E2F8: variants seen among roughly 807,000 people sequenced by gnomAD.
The protein encoded by E2F8 is E2F transcription factor 8.
In E2F8, 35 loss-of-function variants were observed where a neutral mutation model predicts 80.8. The ratio of observed to expected loss-of-function variants is 0.43; its 90% CI spans 0.33 to 0.57. The LOEUF (loss-of-function observed/expected upper bound fraction) is 0.57, where lower values mean the gene tolerates loss of function less well. Among genes scored for constraint, E2F8 ranks in the 20% least tolerant of loss-of-function variants. The pLI, the probability that E2F8 is intolerant of heterozygous loss-of-function variation, is 0.04. For synonymous variants in E2F8, 386 were observed against 395.0 expected, an observed-to-expected ratio of 0.98 and a Z score of 0.27; for missense variants, 975 against 1,056.2, an observed-to-expected ratio of 0.92 and a Z score of 1.07.
At chr11:19,228,915 T>A (rs546122880) in intron 10 of E2F8, among the ~76,000 whole-genome samples, 23 of 152,332 alleles carry the variant, frequency 1.5e-4, no homozygotes, top group African/African-American at 5.3e-4. Flanking sequence ...TAGAAACCAA[T>A]ACATGAACTA....
At position 19,232,465 on chromosome 11, in the gene E2F8, C is replaced by CT. The variant is rs1469666045; in HGVS notation, c.929-95dup. ...ACTTCATGTATATTCTAAGAGCTGT[C>CT]TTAACCATCAATGTCAGACAGAGAA... On this transcript the variant is annotated intron_variant, in intron 6 of 12. Transcript: ENST00000250024. The CT allele has an allele frequency of 8.5e-6, 9 of 1,061,144 alleles. No homozygotes were observed. In the African/African-American group the frequency reaches 1.4e-4, roughly 17 times the overall value. 65.7% of individuals were successfully genotyped at this position (1,061,144 alleles called of 1,614,324 possible).
rs777471461 is a variant in E2F8 at position 19,225,494 on chromosome 11, C to T, written c.2148G>A (p.Pro716=). ...GAACAGGGTGGCTTGAAGCGAGAGC[C>T]GGGCTGTTCCCGACAGGTACGGCTG... ...SVAAVPVGNS[P]ALASSHPVPI... The change falls in exon 12 of 13, where the codon CCG becomes CCA. Residue 716 remains proline, a synonymous_variant. Transcript: ENST00000250024. 116 of 1,614,036 alleles carry T rather than the reference C, an allele frequency of 7.2e-5. No individual in the cohort carries two copies. The highest frequency in any genetic ancestry group is 8.6e-5 in the Non-Finnish European group (101 of 1,180,036).
In E2F8 at chr11:19,225,843, G is replaced by A. The variant is rs753987546; in HGVS notation, c.1915C>T (p.Leu639=). 3 of 1,614,106 alleles carry A rather than the reference G, an allele frequency of 1.9e-6. No homozygotes were observed. Among genetic ancestry groups the A allele is most frequent in the South Asian group, 2.2e-5 (2 of 91,074 alleles). The change falls in exon 11 of 13, where the codon CTA becomes TTA. Residue 639 remains leucine (L), a synonymous_variant. Coordinates refer to ENST00000250024, the MANE Select transcript of E2F8 (RefSeq NM_024680.4). ...GATGAGCACTGCGTGAGAGGGATTA[G>A]GTATCCTGATGGGAACAAGGTCTAG... ...VSATLFPSGY[L]IPLTQCSSLG... is the part of the protein sequence containing the mutation.
chr11:19,232,379 A>G lies in E2F8; in HGVS notation c.929-8T>C, dbSNP rs780421199. ...ACAACCTCCTAATTTTTGCTGGGAA[A>G]AAAAGTATATATACCACTTAATGGA... On this transcript the variant is annotated splice_region_variant and splice_polypyrimidine_tract_variant and intron_variant, in intron 6 of 12. Transcript: ENST00000250024. The G allele has an allele frequency of 1.9e-6, 3 of 1,609,402 alleles. No homozygotes were observed. Among genetic ancestry groups the G allele is most frequent in the Admixed American group, 3.4e-5 (2 of 58,966 alleles).
At chr11:19,226,127 C>G in intron 10 of E2F8, 1 of 442,876 alleles carries the variant, frequency 2.3e-6, no homozygotes. Context: ...TGGCACTGAC[C>G]CTGCTTAGGG....
Position 19,230,726 on chromosome 11 carries a change from G to A in E2F8, c.1175C>T (p.Thr392Ile). The A allele has an allele frequency of 6.2e-7, 1 of 1,614,198 alleles. No individual in the cohort carries two copies. The part of the protein sequence containing the change: ...LFSTRGKPNF[T>I]RHPSLIKLVK... ...CAATTTGATAAGAGATGGGTGTCGAGTAAAGTTTGGTTTCCCACGTGTGGA... is the reference window on the plus strand; with the variant it reads ...CAATTTGATAAGAGATGGGTGTCGAATAAAGTTTGGTTTCCCACGTGTGGA... Residue 392 changes from threonine (T) to isoleucine (I), a missense_variant, in exon 8 of 13, where the codon ACT (threonine) becomes ATT (isoleucine). By Grantham distance (89) the Thr-to-Ile change is moderately conservative. Coordinates refer to ENST00000250024, the MANE Select transcript of E2F8 (RefSeq NM_024680.4).
At position 19,230,784 on chromosome 11, in the gene E2F8, A is replaced by G. The variant is rs1590125184; in HGVS notation, c.1117T>C (p.Ser373Pro). The stretch of plus-strand genomic sequence containing the variant: ...TTTTTGGCACAGTTCTCTTTTGAAG[A>G]CCGTCTCACCTCCAAATCAGAGGGA... ...FTPSDLEVRR[S>P]SKENCAKNLF... Residue 373 changes from serine (S) to proline (P), a missense_variant, in exon 8 of 13, where the codon TCT (serine) becomes CCT (proline). Coordinates refer to ENST00000250024, the MANE Select transcript of E2F8 (RefSeq NM_024680.4). The G allele has an allele frequency of 1.2e-6, 2 of 1,614,202 alleles. No homozygotes were observed. Among genetic ancestry groups the G allele is most frequent in the East Asian group, 2.2e-5 (1 of 44,868 alleles).
intron 10 of E2F8, among the ~76,000 whole-genome samples, chr11:19,226,342 T>C (rs1000130319): frequency 1.3e-5 from 2 of 152,242 alleles, no homozygotes; most frequent in Non-Finnish European, 2.9e-5. Flanking sequence ...AATACTGAAT[T>C]AAACAAAGTC....
chr11:19,229,509 C>T lies in E2F8; in HGVS notation c.1838G>A (p.Ser613Asn). The T allele has an allele frequency of 6.2e-7, 1 of 1,614,232 alleles. No individual in the cohort carries two copies. The highest frequency in any genetic ancestry group is 8.5e-7 in the Non-Finnish European group (1 of 1,180,028). The change falls in exon 10 of 13, where the codon AGT (serine) becomes AAT (asparagine). Residue 613 changes from serine to asparagine, a missense_variant. By Grantham distance (46) the Ser-to-Asn change is conservative (BLOSUM62 1). Coordinates refer to ENST00000250024, the MANE Select transcript of E2F8 (RefSeq NM_024680.4). The surrounding 1 kb of genome is among the most constrained non-coding windows in gnomAD (Gnocchi z 4.3). ...GSKRASMLED[S>N]GSKKKFKEDL... is the part of the protein sequence containing the mutation. Reference sequence around the variant, plus strand: ...CTCTTTAAATTTCTTTTTGGAACCACTGTCCTCGAGCATGCTTGCCCTCTT... The same window carrying T: ...CTCTTTAAATTTCTTTTTGGAACCATTGTCCTCGAGCATGCTTGCCCTCTT...
rs767095553 is a variant in E2F8, at chr11:19,225,488, G to A, written c.2154C>T (p.Leu718=). The change falls in exon 12 of 13, where the codon CTC becomes CTT. Residue 718 remains leucine, a synonymous_variant. Transcript: ENST00000250024. ...AAVPVGNSPA[L]ASSHPVPIQN... ...GGATGGGAACAGGGTGGCTTGAAGC[G>A]AGAGCCGGGCTGTTCCCGACAGGTA... The A allele has an allele frequency of 1.5e-5, 25 of 1,614,100 alleles. No individual in the cohort carries two copies. In the Admixed American group the frequency reaches 2.5e-4, roughly 16 times the overall value.
At chr11:19,231,196 G>C (rs985456301) in intron 7 of E2F8, among the ~76,000 whole-genome samples, 5 of 152,144 alleles carry the variant, frequency 3.3e-5, no homozygotes, top group Admixed American at 1.3e-4. Flanking sequence ...TGAGGTAACT[G>C]TTCCTCAAGA....
Position 19,230,624 on chromosome 11 carries a change from A to G in E2F8, c.1270+7T>C. ...CTAGCAGATCCCTGACATTCCTGAA[A>G]ACATACCTTTGTTGGTCTTGATAGG... On this transcript the variant is annotated splice_region_variant and intron_variant, in intron 8 of 12. Transcript: ENST00000250024. The G allele has an allele frequency of 6.2e-7, 1 of 1,613,620 alleles. No homozygotes were observed. Among genetic ancestry groups the G allele is most frequent in the Admixed American group, 1.7e-5 (1 of 59,992 alleles).
At chr11:19,232,804 T>C (rs1314824757) in intron 6 of E2F8, among the ~76,000 whole-genome samples, 1 of 152,252 alleles carries the variant, frequency 6.6e-6, no homozygotes, top group Non-Finnish European at 1.5e-5. Flanking sequence ...ATTTATTTAC[T>C]ATGGCAGCAT....
chr11:19,237,822 C>T, intron 3 of E2F8, 32 bp downstream of exon 3: 1 of 1,580,144 alleles, frequency 6.3e-7, no homozygotes, highest in Non-Finnish European at 8.6e-7. Flanking sequence ...CAACAAATTC[C>T]CCAGCCTCCA....
intron 3 of E2F8, 78 bp from the exon 4 acceptor site, chr11:19,237,548 A>T: frequency 1.4e-6 from 2 of 1,431,360 alleles, no homozygotes; most frequent in Middle Eastern, 2.3e-4. Context: ...GTGCTCGATG[A>T]CTGACACCAA....
intron 7 of E2F8, 115 bp downstream of exon 7, chr11:19,232,119 T>C: frequency 4.2e-6 from 6 of 1,427,040 alleles, no homozygotes; most frequent in Non-Finnish European, 5.7e-6. Flanking sequence ...TAAGTGGGAG[T>C]TGAACAATGA....
At chr11:19,231,346 T>C (rs74633481) in intron 7 of E2F8, among the ~76,000 whole-genome samples, 1 of 152,348 alleles carries the variant, frequency 6.6e-6, no homozygotes, top group East Asian at 1.9e-4. Context: ...TCCAAATTCC[T>C]GCACGAAAGG....
At chr11:19,230,212 C>A (rs371981507) in intron 9 of E2F8, 29 bp downstream of exon 9, 5 of 1,598,010 alleles carry the variant, frequency 3.1e-6, no homozygotes, top group Non-Finnish European at 4.3e-6. Flanking sequence ...AGTAATTCAT[C>A]CTGTTATTAA....
At chr11:19,238,643 A>G (rs1386502061) in intron 2 of E2F8, among the ~76,000 whole-genome samples, 1 of 152,236 alleles carries the variant, frequency 6.6e-6, no homozygotes, top group Non-Finnish European at 1.5e-5. Flanking sequence ...TAAATAAAAT[A>G]CCACTGAAGA....
Sources: allele counts gnomAD v4.1 joint callset (sites outside exome capture counted in the v4.1 genomes callset), GRCh38; gene constraint gnomAD v4.1.1; non-coding constraint Gnocchi (gnomAD v3.1); transcripts MANE v1.5; gene names NCBI Gene and HGNC (gene_info 2026-07-23, HGNC 2026-07-21).